Variants in CDH8 observed in about 807,000 individuals in gnomAD.
CDH8 encodes cadherin 8.
In CDH8, 17 loss-of-function variants were observed where a neutral mutation model predicts 68.1. That is an observed-to-expected ratio of 0.25 (90% confidence interval 0.17 to 0.37). The LOEUF is 0.37. CDH8 is among the 10% of genes least tolerant of loss of function. CDH8 has a pLI of 1.00. For missense variants in CDH8, 763 were observed against 999.3 expected (o/e 0.76, Z 3.19); for synonymous variants, 372 against 365.1 (o/e 1.02, Z -0.21).
intron 2 of CDH8, among the ~76,000 whole-genome samples, chr16:61,912,803 T>C (rs540980583): frequency 6.6e-6 from 1 of 152,258 alleles, no homozygotes; most frequent in Admixed American, 6.5e-5. Flanking sequence ...CTACAGATAA[T>C]ATATACATGA....
chr16:61,967,555 C>T (rs766705443), intron 2 of CDH8, among the ~76,000 whole-genome samples: 4 of 152,136 alleles, frequency 2.6e-5, no homozygotes, highest in Admixed American at 6.5e-5. Context: ...AAAGTCTAAA[C>T]AGGAAATTCA....
chr16:61,810,866 T>G (rs1961927161), intron 7 of CDH8, among the ~76,000 whole-genome samples: 1 of 151,676 alleles, frequency 6.6e-6, no homozygotes. Context: ...CTGTTAAAAA[T>G]ACAAAAAATT....
chr16:61,789,370 T>C lies in CDH8; in HGVS notation c.1390A>G (p.Ile464Val), dbSNP rs1304094380. The change falls in exon 8 of 12, where the codon ATA (isoleucine) becomes GTA (valine). Residue 464 changes from isoleucine to valine, a missense_variant. Physicochemically the swap from Ile to Val is conservative, Grantham distance 29 (BLOSUM62 3). Transcript: ENST00000577390. ...LDRELSVWHN[I>V]TIIATEIRNH... ...CTAATTTCAGTAGCAATGATTGTTA[T>C]GTTGTGCCATACACTTAATTCTCTG... 1.9e-6 allele frequency: 3 copies of C among 1,612,280 alleles called. No homozygotes were observed. Among genetic ancestry groups the C allele is most frequent in the Non-Finnish European group, 2.5e-6 (3 of 1,179,022 alleles).
At chr16:61,949,363 A>C (rs764182144) in intron 2 of CDH8, among the ~76,000 whole-genome samples, 2 of 152,116 alleles carry the variant, frequency 1.3e-5, no homozygotes, top group Non-Finnish European at 2.9e-5. Context: ...AAATGGACCA[A>C]TCAGCACTCT....
At chr16:61,659,727 C>G (rs1963519911) in intron 10 of CDH8, among the ~76,000 whole-genome samples, 1 of 152,084 alleles carries the variant, frequency 6.6e-6, no homozygotes, top group Admixed American at 6.6e-5. Context: ...GAGAAACATG[C>G]CATAATCTTC....
Position 61,792,999 on chromosome 16 carries a change from C to A in CDH8, c.1278-3517G>T, listed in dbSNP as rs146592593. Among the ~76,000 whole-genome samples, 1,094 of 152,070 alleles carry A rather than the reference C, an allele frequency of 7.2e-3. 16 individuals carry two copies. The highest frequency in any genetic ancestry group is 0.031 in the Middle Eastern group (9 of 294). Reference sequence around the variant, plus strand: ...CAAAATACATATGTTGATATCCTAACTCCCAAGGTGATCGTATTAGAAGGT... The same window carrying A: ...CAAAATACATATGTTGATATCCTAAATCCCAAGGTGATCGTATTAGAAGGT... On this transcript the variant is annotated intron_variant, in intron 7 of 11. Coordinates refer to ENST00000577390, the MANE Select transcript of CDH8 (RefSeq NM_001796.5).
intron 2 of CDH8, among the ~76,000 whole-genome samples, chr16:62,002,978 G>A (rs993201238): frequency 2.6e-5 from 4 of 152,220 alleles, no homozygotes; most frequent in Admixed American, 1.3e-4. Flanking sequence ...GCGTGAACCG[G>A]AAGGCGGAAC....
chr16:61,904,382 T>C (rs868278619), intron 2 of CDH8, among the ~76,000 whole-genome samples: 2 of 152,076 alleles, frequency 1.3e-5, no homozygotes, highest in South Asian at 4.1e-4. Flanking sequence ...CTCTCTGAGA[T>C]TATGGCGCCA....
At chr16:61,994,103 A>G (rs559280612) in intron 2 of CDH8, among the ~76,000 whole-genome samples, 1 of 152,292 alleles carries the variant, frequency 6.6e-6, no homozygotes, top group Non-Finnish European at 1.5e-5. Context: ...TGTGGGGCTA[A>G]GTATATGTCT....
intron 3 of CDH8, among the ~76,000 whole-genome samples, chr16:61,884,082 C>T (rs1480878040): frequency 6.6e-6 from 1 of 152,042 alleles, no homozygotes; most frequent in Non-Finnish European, 1.5e-5. Flanking sequence ...GTTGGTTTAA[C>T]TAAGAGATAA....
intron 10 of CDH8, among the ~76,000 whole-genome samples, chr16:61,680,715 G>A (rs1217248363): frequency 2.0e-5 from 3 of 151,664 alleles, no homozygotes; most frequent in Admixed American, 6.6e-5. Context: ...TGAGTCATCT[G>A]TTTTCTGCCA....
intron 8 of CDH8, among the ~76,000 whole-genome samples, chr16:61,768,838 T>C (rs1383708939): frequency 6.6e-6 from 1 of 151,876 alleles, no homozygotes; most frequent in East Asian, 1.9e-4. Context: ...ATTGTTACTA[T>C]ATCTCAAACT....
chr16:61,981,683 C>CGCGCGT (rs1567555205), intron 2 of CDH8, among the ~76,000 whole-genome samples: 6 of 112,618 alleles, frequency 5.3e-5, no homozygotes, highest in African/African-American at 1.9e-4. Flanking sequence ...TGTGTGTGTG[C>CGCGCGT]GCGCGCGCGC....
intron 3 of CDH8, among the ~76,000 whole-genome samples, chr16:61,893,400 A>ATGTGTGTGTG (rs886756278): frequency 2.0e-5 from 3 of 147,642 alleles, no homozygotes; most frequent in Admixed American, 2.0e-4. Flanking sequence ...GTACAGGTAG[A>ATGTGTGTGTG]TGTGTGTGTG....
chr16:61,852,285 C>T (rs964766692), intron 4 of CDH8, among the ~76,000 whole-genome samples: 10 of 152,110 alleles, frequency 6.6e-5, no homozygotes, highest in Non-Finnish European at 1.2e-4. Flanking sequence ...CTTCACTCCA[C>T]AGTTTGGTTT....
At chr16:61,862,633 T>C (rs16964009) in intron 3 of CDH8, among the ~76,000 whole-genome samples, 3,789 of 152,228 alleles carry the variant, frequency 0.025, 158 homozygotes, top group African/African-American at 0.086. Flanking sequence ...TAGATGTGTG[T>C]AGAGGTTTTG....
At chr16:61,993,210 T>C (rs934692362) in intron 2 of CDH8, among the ~76,000 whole-genome samples, 1 of 152,210 alleles carries the variant, frequency 6.6e-6, no homozygotes, top group Non-Finnish European at 1.5e-5. Flanking sequence ...CTCCTTTTCA[T>C]ATAATCTGTC....
At chr16:61,901,698 T>C (rs1212562120) in intron 2 of CDH8, among the ~76,000 whole-genome samples, 1 of 152,196 alleles carries the variant, frequency 6.6e-6, no homozygotes, top group African/African-American at 2.4e-5. Context: ...TACTCTGGCC[T>C]GTTTAGTATA....
At chr16:61,740,226 A>G (rs766481483) in intron 8 of CDH8, among the ~76,000 whole-genome samples, 34 of 151,926 alleles carry the variant, frequency 2.2e-4, no homozygotes, top group Admixed American at 1.9e-3. Flanking sequence ...TTTAATGCTG[A>G]TCACTCTGCA....
Sources: gnomAD v4.1 joint callset for allele counts (sites outside exome capture counted in the v4.1 genomes callset) on GRCh38, gnomAD v4.1.1 for gene constraint, MANE v1.5 for transcripts, NCBI Gene and HGNC (gene_info 2026-07-23, HGNC 2026-07-21) for gene names.